SLC8A1: variants seen among roughly 807,000 people sequenced by gnomAD.
SLC8A1 encodes the protein solute carrier family 8 member A1.
SLC8A1 carries 18 observed loss-of-function variants against 68.3 expected under a neutral mutation model. The observed-to-expected ratio is 0.26, with a 90% CI of 0.18 to 0.39. The LOEUF is 0.39. Ranked by LOEUF, SLC8A1 falls within the 10% of genes least tolerant of loss-of-function variation. The probability of loss-of-function intolerance (pLI) is 1.00; values close to 1 mark genes in which losing one functional copy is unlikely to be tolerated. For synonymous variants in SLC8A1, 475 were observed against 415.5 expected (o/e 1.14, Z -1.74); for missense variants, 985 against 1,156.7 (o/e 0.85, Z 2.15).
At chr2:40,417,647 C>G (rs567243079) in intron 2 of SLC8A1, among the ~76,000 whole-genome samples, 1 of 152,132 alleles carries the variant, frequency 6.6e-6, no homozygotes, top group South Asian at 2.1e-4. Context: ...TAGCTGAGAC[C>G]ACAGGCTTAA....
intron 2 of SLC8A1, among the ~76,000 whole-genome samples, chr2:40,228,502 C>T (rs963428059): frequency 6.6e-5 from 10 of 152,152 alleles, no homozygotes; most frequent in Admixed American, 1.3e-4. Flanking sequence ...TAGAAGCCAA[C>T]GGCTGCAGCC....
intron 1 of SLC8A1, among the ~76,000 whole-genome samples, chr2:40,451,621 G>C (rs1248382466): frequency 6.6e-6 from 1 of 151,944 alleles, no homozygotes. Flanking sequence ...TTCTTCCTCC[G>C]GCAGCCTGCA....
exon 8 of SLC8A1, chr2:40,097,808 T>C (rs1303671667): frequency 1.3e-5 from 2 of 152,118 alleles, no homozygotes; most frequent in East Asian, 1.9e-4. Context: ...TTCTCATTTA[T>C]TGGTGATATG....
intron 1 of SLC8A1, among the ~76,000 whole-genome samples, chr2:40,450,954 G>T (rs1702351022): frequency 6.6e-6 from 1 of 151,402 alleles, no homozygotes; most frequent in Admixed American, 6.6e-5. Flanking sequence ...AACAGCAACA[G>T]AATCCACGGG....
At chr2:40,191,006 A>T (rs1487161152) in intron 2 of SLC8A1, among the ~76,000 whole-genome samples, 1 of 152,136 alleles carries the variant, frequency 6.6e-6, no homozygotes, top group Admixed American at 6.6e-5. Context: ...TTCTAATTCA[A>T]AAGGGGGTAA....
intron 2 of SLC8A1, among the ~76,000 whole-genome samples, chr2:40,184,898 CAAAAA>C (rs66662572): frequency 1.0e-3 from 108 of 106,510 alleles, no homozygotes; most frequent in African/African-American, 2.7e-3. Context: ...TAACCAAAAA[CAAAAA>C]AAAAAAAAAA....
intron 1 of SLC8A1, among the ~76,000 whole-genome samples, chr2:40,484,416 C>G (rs537799121): frequency 6.6e-6 from 1 of 152,204 alleles, no homozygotes; most frequent in Admixed American, 6.5e-5. Context: ...ATGCTCCAAG[C>G]CTGCTGCTCC....
chr2:40,466,610 G>A (rs961811903), intron 1 of SLC8A1, among the ~76,000 whole-genome samples: 4 of 152,062 alleles, frequency 2.6e-5, no homozygotes, highest in Non-Finnish European at 5.9e-5. Context: ...TCTATATTAC[G>A]AGGATCTTGT....
intron 2 of SLC8A1, among the ~76,000 whole-genome samples, chr2:40,302,086 G>C (rs189770460): frequency 8.6e-6 from 1 of 115,970 alleles, no homozygotes; most frequent in East Asian, 3.4e-4. Context: ...TAGTAGAGAA[G>C]GGGTTTCGCC....
intron 1 of SLC8A1, among the ~76,000 whole-genome samples, chr2:40,444,796 T>G (rs571058114): frequency 6.1e-4 from 93 of 152,364 alleles, no homozygotes; most frequent in African/African-American, 2.1e-3. Context: ...ATATATCATC[T>G]ATGATTGCTT....
Position 40,175,284 on chromosome 2 carries a change from G to T in SLC8A1, c.1913-442C>A. 6.2e-7 allele frequency: 1 copy of T among 1,612,770 alleles called. No individual in the cohort carries two copies. The highest frequency in any genetic ancestry group is 8.5e-7 in the Non-Finnish European group (1 of 1,179,102). ...ACCAAGCTCATTCAATAACAGGGCT[G>T]TGAAGGAAACAGACAAAGACAAACA... On this transcript the variant is annotated intron_variant, in intron 3 of 7. Coordinates refer to ENST00000406785, the Ensembl canonical transcript of SLC8A1.
At chr2:40,373,579 C>T (rs920759162) in intron 2 of SLC8A1, among the ~76,000 whole-genome samples, 2 of 151,922 alleles carry the variant, frequency 1.3e-5, no homozygotes, top group Admixed American at 6.6e-5. Context: ...CTTACATAAC[C>T]CTATTTAGCC....
At chr2:40,443,776 ACTGGGAAATT>A (rs1358627619) in intron 1 of SLC8A1, among the ~76,000 whole-genome samples, 1 of 152,124 alleles carries the variant, frequency 6.6e-6, no homozygotes, top group Non-Finnish European at 1.5e-5. Flanking sequence ...CATCTGTAAA[ACTGGGAAATT>A]CTGCTAACAA....
intron 2 of SLC8A1, among the ~76,000 whole-genome samples, chr2:40,241,170 A>G (rs2061169572): frequency 6.6e-6 from 1 of 152,194 alleles, no homozygotes; most frequent in African/African-American, 2.4e-5. Flanking sequence ...ACACAGCCAT[A>G]AAAAAGAACA....
intron 2 of SLC8A1, among the ~76,000 whole-genome samples, chr2:40,232,030 G>C (rs1574417833): frequency 6.6e-6 from 1 of 152,070 alleles, no homozygotes; most frequent in Non-Finnish European, 1.5e-5. Flanking sequence ...ATGGGGCTGT[G>C]TCCTAAGATG....
intron 2 of SLC8A1, chr2:40,220,293 G>C (rs2058130506): frequency 6.6e-6 from 1 of 152,178 alleles, no homozygotes; most frequent in Non-Finnish European, 1.5e-5. Flanking sequence ...GCTTCCATGG[G>C]AGTGCCAACT....
At chr2:40,320,140 T>C (rs1264935827) in intron 2 of SLC8A1, among the ~76,000 whole-genome samples, 2 of 152,260 alleles carry the variant, frequency 1.3e-5, no homozygotes, top group East Asian at 3.9e-4. Context: ...CCTAAGTCTC[T>C]CACAGCCTGT....
At chr2:40,256,187 T>C (rs1431585357) in intron 2 of SLC8A1, among the ~76,000 whole-genome samples, 1 of 152,160 alleles carries the variant, frequency 6.6e-6, no homozygotes, top group Non-Finnish European at 1.5e-5. Context: ...CATCCGGTGA[T>C]ATTGGACCTT....
At chr2:40,320,217 T>C (rs1050846770) in intron 2 of SLC8A1, among the ~76,000 whole-genome samples, 2 of 152,172 alleles carry the variant, frequency 1.3e-5, no homozygotes, top group Non-Finnish European at 2.9e-5. Flanking sequence ...ACATACATTG[T>C]TTTTCCCTTT....
Sources: allele counts gnomAD v4.1 joint callset (sites outside exome capture counted in the v4.1 genomes callset), GRCh38; gene constraint gnomAD v4.1.1; transcripts MANE v1.5; gene names NCBI Gene and HGNC (gene_info 2026-07-23, HGNC 2026-07-21).